WDPCP: variants seen among roughly 807,000 people sequenced by gnomAD.
WDPCP encodes WD repeat-containing and planar cell polarity effector protein fritz homolog.
Under a neutral mutation model 93.1 loss-of-function variants are expected in WDPCP, and 71 were observed. The observed-to-expected ratio is 0.76, with a 90% CI of 0.63 to 0.93. The LOEUF (loss-of-function observed/expected upper bound fraction) is 0.93, where lower values mean the gene tolerates loss of function less well. Among genes scored for constraint, WDPCP ranks in the 40% least tolerant of loss-of-function variants. The pLI is 0.00. For synonymous variants in WDPCP, 315 were observed against 315.0 expected, an observed-to-expected ratio of 1.00 and a Z score of 0.00; for missense variants, 844 against 887.4, an observed-to-expected ratio of 0.95 and a Z score of 0.62.
chr2:63,234,155 A>G (rs1679171368), intron 14 of WDPCP, among the ~76,000 whole-genome samples: 1 of 152,200 alleles, frequency 6.6e-6, no homozygotes, highest in African/African-American at 2.4e-5. Context: ...CTAAAATCAC[A>G]ATACCTAGAT....
Position 63,543,232 on chromosome 2 carries a change from T to A in WDPCP, c.75+44965A>T, listed in dbSNP as rs190967617. On this transcript the variant is annotated intron_variant, in intron 1 of 17. Coordinates refer to ENST00000272321, the MANE Select transcript of WDPCP (RefSeq NM_015910.7). ...TGACTCTGCATCTGAGAGAGCATTA[T>A]CTTATTCACAGAAAAATAACATATA... Among the ~76,000 whole-genome samples, 4 of 152,264 alleles carry A rather than the reference T, an allele frequency of 2.6e-5. No homozygotes were observed. The South Asian group carries it at 8.3e-4, about 32-fold the overall frequency.
At chr2:63,185,917 G>GC (rs889957996) in intron 14 of WDPCP, among the ~76,000 whole-genome samples, 1 of 146,114 alleles carries the variant, frequency 6.8e-6, no homozygotes, top group Non-Finnish European at 1.5e-5. Context: ...CCACCTCCCG[G>GC]CCCCCCCACC....
At chr2:63,719,815 C>T (rs564525393) in intron 2 of WDPCP, among the ~76,000 whole-genome samples, 1 of 151,816 alleles carries the variant, frequency 6.6e-6, no homozygotes, top group Non-Finnish European at 1.5e-5. Context: ...ATATATTAGG[C>T]TATAAGAAAA....
rs185516812 is a variant in WDPCP at position 63,212,805 on chromosome 2, A to G, written c.1916-37973T>C. Among the ~76,000 whole-genome samples the G allele has an allele frequency of 1.1e-4, 16 of 152,168 alleles. No individual in the cohort carries two copies. The East Asian group carries it at 3.1e-3, about 29-fold the overall frequency. The stretch of plus-strand genomic sequence containing the variant: ...ACAAAAATGGAAAACAAAAAAAAAA[A>G]AAGCAGGGGTTGCAATCCTAGTCTC... On this transcript the variant is annotated intron_variant, in intron 14 of 17. Transcript: ENST00000272321.
chr2:63,358,540 C>A (rs1427071967), intron 12 of WDPCP, among the ~76,000 whole-genome samples: 5 of 152,124 alleles, frequency 3.3e-5, no homozygotes, highest in Non-Finnish European at 7.4e-5. Context: ...TCACAGCTCA[C>A]TGCAGCCTCA....
intron 3 of WDPCP, chr2:63,595,353 T>A (rs1175820541): frequency 1.9e-5 from 18 of 955,244 alleles, no homozygotes; most frequent in Admixed American, 3.5e-5. Flanking sequence ...ATAAAAACTA[T>A]GTGAAAAGAC....
At chr2:63,561,292 C>T (rs1419586649) in intron 1 of WDPCP, among the ~76,000 whole-genome samples, 1 of 152,052 alleles carries the variant, frequency 6.6e-6, no homozygotes, top group Non-Finnish European at 1.5e-5. Flanking sequence ...TCCTGGCTAA[C>T]ATGGTGAAAC....
intron 3 of WDPCP, among the ~76,000 whole-genome samples, chr2:63,603,208 G>A (rs371249432): frequency 3.3e-5 from 5 of 151,912 alleles, no homozygotes; most frequent in African/African-American, 4.8e-5. Context: ...CTCCCACCTC[G>A]GCCTCCCAAA....
intron 12 of WDPCP, among the ~76,000 whole-genome samples, chr2:63,341,695 T>C (rs1688852557): frequency 6.6e-6 from 1 of 152,224 alleles, no homozygotes; most frequent in African/African-American, 2.4e-5. Context: ...CAATGTTTGC[T>C]TCATATATCT....
intron 12 of WDPCP, among the ~76,000 whole-genome samples, chr2:63,335,234 T>A (rs11687645): frequency 0.57 from 86,756 of 151,850 alleles, 25,184 homozygotes; most frequent in Admixed American, 0.65. Context: ...CTTTTCCCTT[T>A]AAATACTGAA....
intron 14 of WDPCP, among the ~76,000 whole-genome samples, chr2:63,196,876 A>G (rs1675476925): frequency 6.6e-6 from 1 of 152,170 alleles, no homozygotes. Flanking sequence ...AAACAAATTG[A>G]CAGACAATCT....
chr2:63,162,126 G>A (rs1672688126), intron 15 of WDPCP, among the ~76,000 whole-genome samples: 1 of 152,124 alleles, frequency 6.6e-6, no homozygotes, highest in Non-Finnish European at 1.5e-5. Flanking sequence ...TGGAGAGTGG[G>A]GAATGGGTCT....
chr2:63,263,575 T>G (rs1206051773), intron 13 of WDPCP, among the ~76,000 whole-genome samples: 1 of 152,230 alleles, frequency 6.6e-6, no homozygotes, highest in Non-Finnish European at 1.5e-5. Context: ...ACTGAATAAA[T>G]CTGTTTTCTT....
intron 12 of WDPCP, among the ~76,000 whole-genome samples, chr2:63,347,810 C>T (rs995240961): frequency 2.0e-5 from 3 of 151,556 alleles, no homozygotes; most frequent in Non-Finnish European, 4.4e-5. Flanking sequence ...TGTGGCCCTC[C>T]CTAATGCCAG....
chr2:63,512,091 G>T (rs1702272209), intron 1 of WDPCP, among the ~76,000 whole-genome samples: 1 of 152,096 alleles, frequency 6.6e-6, no homozygotes, highest in East Asian at 1.9e-4. Context: ...GATATAAACA[G>T]ACACTTTTCA....
chr2:63,558,845 C>T (rs1422183331), intron 1 of WDPCP, among the ~76,000 whole-genome samples: 1 of 152,188 alleles, frequency 6.6e-6, no homozygotes, highest in Non-Finnish European at 1.5e-5. Context: ...CTGAACTCTA[C>T]CACAGGTACA....
chr2:63,169,726 C>T (rs1231492435), intron 15 of WDPCP, among the ~76,000 whole-genome samples: 1 of 152,044 alleles, frequency 6.6e-6, no homozygotes, highest in Non-Finnish European at 1.5e-5. Flanking sequence ...ATCTCCCATT[C>T]CATTACTTTT....
intron 17 of WDPCP, among the ~76,000 whole-genome samples, chr2:63,132,075 G>T (rs568120958): frequency 7.2e-5 from 11 of 151,922 alleles, no homozygotes; most frequent in Admixed American, 3.3e-4. Flanking sequence ...ATCTCAAGTG[G>T]TCTGCCTGCC....
chr2:63,806,640 G>A (rs543249350), intron 2 of WDPCP, among the ~76,000 whole-genome samples: 4 of 152,152 alleles, frequency 2.6e-5, no homozygotes, highest in South Asian at 4.1e-4. Context: ...CTGCAGTCTC[G>A]ACCATAAAAA....
Sources: allele counts gnomAD v4.1 joint callset (sites outside exome capture counted in the v4.1 genomes callset), GRCh38; gene constraint gnomAD v4.1.1; transcripts MANE v1.5; gene names NCBI Gene and HGNC (gene_info 2026-07-23, HGNC 2026-07-21).